The following BNC2 variants were observed in gnomAD, a reference collection of about 807,000 sequenced individuals.
BNC2 encodes zinc finger protein basonuclin-2.
BNC2 carries 20 observed loss-of-function variants against 76.3 expected under a neutral mutation model. The observed-to-expected ratio is 0.26, with a 90% CI of 0.18 to 0.38. The LOEUF (loss-of-function observed/expected upper bound fraction) is 0.38. Among genes scored for constraint, BNC2 ranks in the 10% least tolerant of loss-of-function variants. The pLI is 1.00. For missense variants in BNC2, 1,382 were observed against 1,399.8 expected, an observed-to-expected ratio of 0.99 and a Z score of 0.20; for synonymous variants, 582 against 514.8, an observed-to-expected ratio of 1.13 and a Z score of -1.77.
chr9:16,719,502 T>G (rs1288087629), intron 3 of BNC2, among the ~76,000 whole-genome samples: 1 of 152,136 alleles, frequency 6.6e-6, no homozygotes, highest in South Asian at 2.1e-4. Flanking sequence ...ACTCCGATCA[T>G]AAAATGTGAG....
At chr9:16,669,100 G>A (rs1822392247) in intron 3 of BNC2, among the ~76,000 whole-genome samples, 1 of 152,120 alleles carries the variant, frequency 6.6e-6, no homozygotes, top group Non-Finnish European at 1.5e-5. Context: ...AAGACTTACT[G>A]TAAATCAGCC....
intron 3 of BNC2, among the ~76,000 whole-genome samples, chr9:16,714,812 A>G (rs540415942): frequency 6.6e-6 from 1 of 152,342 alleles, no homozygotes; most frequent in African/African-American, 2.4e-5. Context: ...AAACCAATTA[A>G]TTACCTGTTC....
chr9:16,701,077 G>T (rs1396663759), intron 3 of BNC2, among the ~76,000 whole-genome samples: 1 of 152,130 alleles, frequency 6.6e-6, no homozygotes, highest in East Asian at 1.9e-4. Flanking sequence ...CATTTTCTGG[G>T]GTGTGGAGGT....
intron 3 of BNC2, among the ~76,000 whole-genome samples, chr9:16,726,583 T>C (rs998078143): frequency 2.1e-5 from 3 of 142,010 alleles, no homozygotes; most frequent in Non-Finnish European, 4.6e-5. Flanking sequence ...AAAAAAGCAG[T>C]TGCAGTATTT....
At chr9:16,780,243 A>C (rs1244074594) in intron 1 of BNC2, among the ~76,000 whole-genome samples, 1 of 111,214 alleles carries the variant, frequency 9.0e-6, no homozygotes, top group African/African-American at 3.5e-5. Context: ...TTCAAAAAAA[A>C]AAAAAAAAAA....
intron 1 of BNC2, among the ~76,000 whole-genome samples, chr9:16,805,371 G>A (rs1229949070): frequency 6.6e-6 from 1 of 151,778 alleles, no homozygotes; most frequent in Admixed American, 6.6e-5. Flanking sequence ...TTGTTCCCCA[G>A]GCTGGAGTAC....
chr9:16,419,580 C>T lies in BNC2; in HGVS notation c.2709G>A (p.Ser903=), dbSNP rs376399982. The T allele has an allele frequency of 4.3e-6, 7 of 1,611,318 alleles. No individual in the cohort carries two copies. The highest frequency in any genetic ancestry group is 1.1e-5 in the South Asian group (1 of 91,036). The change falls in exon 7 of 7, where the codon TCG becomes TCA. Residue 903 remains serine (S), a synonymous_variant. Coordinates refer to ENST00000380672, the MANE Select transcript of BNC2 (RefSeq NM_017637.6). Reference sequence around the variant, plus strand: ...GGTCCTTGCTAAGGGAGGGCTGCGACGAGTCCAGGCCCATGTCATCGAGTT... The same window carrying T: ...GGTCCTTGCTAAGGGAGGGCTGCGATGAGTCCAGGCCCATGTCATCGAGTT... ...TKELDDMGLD[S]SQPSLSKDLR... is the part of the protein sequence containing the mutation.
chr9:16,851,841 T>G (rs1488297837), intron 1 of BNC2, among the ~76,000 whole-genome samples: 1 of 152,098 alleles, frequency 6.6e-6, no homozygotes, highest in African/African-American at 2.4e-5. Flanking sequence ...CTGAAAGAGC[T>G]CACATACTTC....
At chr9:16,759,852 T>C (rs1160279863) in intron 1 of BNC2, among the ~76,000 whole-genome samples, 1 of 151,948 alleles carries the variant, frequency 6.6e-6, no homozygotes, top group Non-Finnish European at 1.5e-5. Flanking sequence ...GCCTCCCGAG[T>C]AGCTGGGACT....
intron 1 of BNC2, among the ~76,000 whole-genome samples, chr9:16,780,078 T>C (rs1238529577): frequency 2.0e-5 from 3 of 146,562 alleles, no homozygotes; most frequent in East Asian, 2.0e-4. Context: ...CTACTAAAAA[T>C]ACAAAAAATT....
At chr9:16,659,381 G>A (rs550793277) in intron 3 of BNC2, among the ~76,000 whole-genome samples, 194 of 152,092 alleles carry the variant, frequency 1.3e-3, no homozygotes, top group Non-Finnish European at 2.3e-3. Flanking sequence ...GGGCCGAGGT[G>A]GGCAGATCAG....
At chr9:16,595,693 A>T (rs1051657850) in intron 3 of BNC2, among the ~76,000 whole-genome samples, 1 of 152,036 alleles carries the variant, frequency 6.6e-6, no homozygotes, top group African/African-American at 2.4e-5. Context: ...TAGTATGCTG[A>T]AAAAAAATTA....
At chr9:16,682,776 C>A (rs888329453) in intron 3 of BNC2, among the ~76,000 whole-genome samples, 1 of 152,112 alleles carries the variant, frequency 6.6e-6, no homozygotes, top group Non-Finnish European at 1.5e-5. Flanking sequence ...CCAAGTCAAA[C>A]CTCACATCCT....
rs553319087 is a variant in BNC2 at position 16,700,096 on chromosome 9, G to A, written c.330+27701C>T. 7.2e-5 allele frequency among the ~76,000 whole-genome samples: 11 copies of A among 152,244 alleles called. No homozygotes were observed. In the East Asian group the frequency reaches 1.3e-3, roughly 19 times the overall value. On this transcript the variant is annotated intron_variant, in intron 3 of 6. Coordinates refer to ENST00000380672, the MANE Select transcript of BNC2 (RefSeq NM_017637.6). ...GTCTTTAATAGATATGCTATAATGTGATATACAGCACCCAAACTTTAACCT... is the reference window on the plus strand; with the variant it reads ...GTCTTTAATAGATATGCTATAATGTAATATACAGCACCCAAACTTTAACCT...
intron 3 of BNC2, among the ~76,000 whole-genome samples, chr9:16,645,959 C>T (rs1821611254): frequency 6.6e-6 from 1 of 152,156 alleles, no homozygotes; most frequent in African/African-American, 2.4e-5. Flanking sequence ...ATCGAAAATA[C>T]ACATCAGGAG....
At chr9:16,598,021 T>C (rs1316069629) in intron 3 of BNC2, among the ~76,000 whole-genome samples, 1 of 152,118 alleles carries the variant, frequency 6.6e-6, no homozygotes, top group Non-Finnish European at 1.5e-5. Context: ...CCTATGTGCA[T>C]GCCTGAAGAG....
Position 16,419,294 on chromosome 9 carries a change from T to C in BNC2, c.2995A>G (p.Ser999Gly). 4 of 1,614,096 alleles carry C rather than the reference T, an allele frequency of 2.5e-6. No individual in the cohort carries two copies. Among genetic ancestry groups the C allele is most frequent in the Non-Finnish European group, 3.4e-6 (4 of 1,179,956 alleles). Residue 999 changes from serine (S) to glycine (G), a missense_variant, in exon 7 of 7, where the codon AGT becomes GGT. By Grantham distance (56) the Ser-to-Gly change is moderately conservative (BLOSUM62 0). Around this residue, in one of 3 missense-constraint regions of BNC2, gnomAD observed 798 missense variants for 775.5 expected, o/e 1.03. Coordinates refer to ENST00000380672, the MANE Select transcript of BNC2 (RefSeq NM_017637.6). The stretch of plus-strand genomic sequence containing the variant: ...TCGGCCTTGTGTGCCGACTCCCCAC[T>C]GTCACTCGCCCCGTCAATGTCATCG... ...LLDDIDGASDSGESAHKAEAP... is the reference protein window; with the variant it reads ...LLDDIDGASDGGESAHKAEAP...
At chr9:16,620,440 A>T (rs1385429369) in intron 3 of BNC2, among the ~76,000 whole-genome samples, 1 of 152,190 alleles carries the variant, frequency 6.6e-6, no homozygotes, top group Non-Finnish European at 1.5e-5. Context: ...ATCCATTAAA[A>T]ATGTGCCCCT....
chr9:16,685,091 A>G (rs557238408), intron 3 of BNC2, among the ~76,000 whole-genome samples: 1 of 152,278 alleles, frequency 6.6e-6, no homozygotes, highest in African/African-American at 2.4e-5. Context: ...TATATCCCAA[A>G]AGTCTTAGAA....
Sources: allele counts gnomAD v4.1 joint callset (sites outside exome capture counted in the v4.1 genomes callset), GRCh38; gene constraint gnomAD v4.1.1; regional missense constraint gnomAD v4.1.1; transcripts MANE v1.5; gene names NCBI Gene and HGNC (gene_info 2026-07-23, HGNC 2026-07-21).